The following ITPKB variants were observed in gnomAD, a reference collection of about 807,000 sequenced individuals.
The protein encoded by ITPKB is inositol-trisphosphate 3-kinase B.
A neutral mutation model predicts 69.4 loss-of-function variants in ITPKB; 13 were observed. That is an observed-to-expected ratio of 0.19 (90% confidence interval 0.12 to 0.30). The LOEUF (loss-of-function observed/expected upper bound fraction) is 0.30. ITPKB is among the 10% of genes least tolerant of loss of function. The pLI is 1.00. For missense variants in ITPKB, 1,240 were observed against 1,250.5 expected, an observed-to-expected ratio of 0.99 and a Z score of 0.13; for synonymous variants, 584 against 513.7, an observed-to-expected ratio of 1.14 and a Z score of -1.85.
rs79415734 is a variant in ITPKB at position 226,640,635 on chromosome 1, C to T, written c.2452-977G>A. Among the ~76,000 whole-genome samples the T allele has an allele frequency of 5.3e-5, 8 of 152,010 alleles. No individual in the cohort carries two copies. The South Asian group carries it at 1.5e-3, about 28-fold the overall frequency. On this transcript the variant is annotated intron_variant, in intron 5 of 7. Transcript: ENST00000429204. ...ACAGAGACCAGGAGCACATCCTGCTCGAGAGGGAGAGGTGAAGGGAAAGTG... is the reference window on the plus strand; with the variant it reads ...ACAGAGACCAGGAGCACATCCTGCTTGAGAGGGAGAGGTGAAGGGAAAGTG...
chr1:226,724,390 T>C (rs1297839126), intron 2 of ITPKB, among the ~76,000 whole-genome samples: 1 of 152,172 alleles, frequency 6.6e-6, no homozygotes, highest in Non-Finnish European at 1.5e-5. Flanking sequence ...GACACCCTTA[T>C]TCACTCTCAC....
At position 226,694,061 on chromosome 1, in the gene ITPKB, A is replaced by T. The variant is rs559687767; in HGVS notation, c.1932+41466T>A. On this transcript the variant is annotated intron_variant, in intron 2 of 7. Transcript: ENST00000429204. ...CTGGAAGCTTCAGACTGGCAAACAT[A>T]GGGCTGGATTACCTAACAAGTGATT... is the stretch of plus-strand genomic sequence containing the variant. Among the ~76,000 whole-genome samples, 4 of 152,358 alleles carry T rather than the reference A, an allele frequency of 2.6e-5. No homozygotes were observed. The South Asian group carries it at 6.2e-4, about 24-fold the overall frequency.
At chr1:226,635,204 C>G (rs1668806276) in intron 7 of ITPKB, among the ~76,000 whole-genome samples, 1 of 152,008 alleles carries the variant, frequency 6.6e-6, no homozygotes, top group South Asian at 2.1e-4. Context: ...TGCCTTCCTT[C>G]TTTTCCTTCC....
chr1:226,663,512 CT>C (rs369058939), intron 2 of ITPKB, among the ~76,000 whole-genome samples: 223 of 148,790 alleles, frequency 1.5e-3, no homozygotes, highest in African/African-American at 5.0e-3. Flanking sequence ...TCTTTCTTTT[CT>C]TTTTTTTTTA....
intron 5 of ITPKB, among the ~76,000 whole-genome samples, chr1:226,640,123 C>T (rs1668927909): frequency 6.6e-6 from 1 of 152,214 alleles, no homozygotes; most frequent in Admixed American, 6.5e-5. Flanking sequence ...CCGCCCTGAG[C>T]TCAGCTTGAC....
At position 226,688,312 on chromosome 1, in the gene ITPKB, A is replaced by G. The variant is rs537841520; in HGVS notation, c.1933-39541T>C. Among the ~76,000 whole-genome samples, 295 of 152,308 alleles carry G rather than the reference A, an allele frequency of 1.9e-3. 2 individuals carry two copies. Among genetic ancestry groups the G allele is most frequent in the African/African-American group, 6.7e-3 (279 of 41,574 alleles). On this transcript the variant is annotated intron_variant, in intron 2 of 7. Coordinates refer to ENST00000429204, the MANE Select transcript of ITPKB (RefSeq NM_002221.4). ...TGGAAATGCAAAGACGAATTAGACA[A>G]CATCCCTTGGGGAGCTGTTTTGCAG...
In ITPKB at chr1:226,632,920, A is replaced by G. The variant is rs2102734128; in HGVS notation, c.*1751T>C. 6.6e-6 allele frequency: 1 copy of G among 152,214 alleles called. No individual in the cohort carries two copies. Among genetic ancestry groups the G allele is most frequent in the South Asian group, 2.1e-4 (1 of 4,826 alleles). 9.4% of individuals were successfully genotyped at this position (152,214 alleles called of 1,614,324 possible). On this transcript the variant is annotated 3_prime_UTR_variant, in exon 8 of 8. Transcript: ENST00000429204. ...GGTCCCTTCTAGCCCAAAAGTCACT[A>G]TAGCTCCAGAGGCCCAGAGTTGACT...
intron 2 of ITPKB, among the ~76,000 whole-genome samples, chr1:226,705,521 C>T (rs1181895114): frequency 1.5e-5 from 2 of 135,812 alleles, no homozygotes; most frequent in African/African-American, 5.4e-5. Flanking sequence ...AAGAGCAAAA[C>T]GCCATCTCAA....
chr1:226,717,725 C>T (rs1296943259), intron 2 of ITPKB, among the ~76,000 whole-genome samples: 1 of 152,154 alleles, frequency 6.6e-6, no homozygotes, highest in Non-Finnish European at 1.5e-5. Context: ...CCGTCCGGGC[C>T]TCCTACACAC....
chr1:226,710,084 C>T (rs1656905538), intron 2 of ITPKB, among the ~76,000 whole-genome samples: 1 of 152,166 alleles, frequency 6.6e-6, no homozygotes, highest in East Asian at 1.9e-4. Context: ...TTCCCTGCCC[C>T]TGTCTCCTCT....
chr1:226,658,019 C>T (rs572253605), intron 2 of ITPKB, among the ~76,000 whole-genome samples: 10 of 152,330 alleles, frequency 6.6e-5, no homozygotes, highest in Admixed American at 2.0e-4. Flanking sequence ...TCTAACAAAG[C>T]GTCGAAAGTG....
intron 2 of ITPKB, among the ~76,000 whole-genome samples, chr1:226,680,234 C>A (rs999169196): frequency 1.3e-5 from 2 of 152,024 alleles, no homozygotes; most frequent in Non-Finnish European, 2.9e-5. Flanking sequence ...CTTTCCATGA[C>A]GTGACTGCTG....
At position 226,642,216 on chromosome 1, in the gene ITPKB, C is replaced by T. The variant is rs796260732; in HGVS notation, c.2247-91G>A. 2.3e-5 allele frequency: 25 copies of T among 1,066,264 alleles called. 1 individual carries two copies. The Admixed American group carries it at 2.9e-4, about 12-fold the overall frequency. The allele number at this position is 1,066,264 out of a possible 1,614,324, so 66.1% of individuals were successfully genotyped here. A position where few individuals can be genotyped will look rare whatever the true frequency, so the allele number is the denominator to read the frequency against. Reference sequence around the variant, plus strand: ...CTGCCTGGTGGATGAAGGTTTGGGGCGTGTGTTGCCCAACAGCTGCAGTCA... The same window carrying T: ...CTGCCTGGTGGATGAAGGTTTGGGGTGTGTGTTGCCCAACAGCTGCAGTCA... On this transcript the variant is annotated intron_variant, in intron 4 of 7. Transcript: ENST00000429204. The surrounding 1 kb of genome is among the most constrained non-coding windows in gnomAD (Gnocchi z 6.4).
intron 2 of ITPKB, among the ~76,000 whole-genome samples, chr1:226,689,569 T>TTGTG (rs10589027): frequency 0.072 from 10,033 of 138,418 alleles, 361 homozygotes; most frequent in South Asian, 0.092. Context: ...AAGGTTTTAT[T>TTGTG]TGTGTGTGTG....
At chr1:226,714,391 C>A (rs1400253380) in intron 2 of ITPKB, among the ~76,000 whole-genome samples, 1 of 152,158 alleles carries the variant, frequency 6.6e-6, no homozygotes, top group Non-Finnish European at 1.5e-5. Context: ...AATTCTGGGG[C>A]TGTTTGTTAC....
intron 2 of ITPKB, among the ~76,000 whole-genome samples, chr1:226,649,524 A>G (rs895032003): frequency 5.0e-5 from 7 of 140,914 alleles, no homozygotes; most frequent in South Asian, 4.6e-4. Context: ...CATGTGTGTG[A>G]TGTGTGCATG....
At chr1:226,653,652 C>T (rs1017734598) in intron 2 of ITPKB, among the ~76,000 whole-genome samples, 2 of 152,252 alleles carry the variant, frequency 1.3e-5, no homozygotes, top group Non-Finnish European at 2.9e-5. Flanking sequence ...CTTGAGGACA[C>T]TTCGGTGGAA....
intron 2 of ITPKB, chr1:226,707,921 G>A (rs1295354129): frequency 1.5e-6 from 2 of 1,331,732 alleles, no homozygotes; most frequent in South Asian, 2.5e-5. Flanking sequence ...AGTCACTAAA[G>A]GGAGAAGAAA....
At chr1:226,722,768 C>A (rs190638616) in intron 2 of ITPKB, among the ~76,000 whole-genome samples, 216 of 152,290 alleles carry the variant, frequency 1.4e-3, no homozygotes, top group African/African-American at 5.1e-3. Flanking sequence ...CAGGCTGAGC[C>A]TGAGACACAT....
Sources: allele counts gnomAD v4.1 joint callset (sites outside exome capture counted in the v4.1 genomes callset), GRCh38; gene constraint gnomAD v4.1.1; non-coding constraint Gnocchi (gnomAD v3.1); transcripts MANE v1.5; gene names NCBI Gene and HGNC (gene_info 2026-07-23, HGNC 2026-07-21).